The following IQSEC1 variants were observed in gnomAD, a reference collection of about 807,000 sequenced individuals.
The protein encoded by IQSEC1 is IQ motif and SEC7 domain-containing protein 1.
IQSEC1 carries 31 observed loss-of-function variants against 91.0 expected under a neutral mutation model. The ratio of observed to expected loss-of-function variants is 0.34; its 90% CI spans 0.26 to 0.46. IQSEC1 has a LOEUF of 0.46. Among genes scored for constraint, IQSEC1 ranks in the 20% least tolerant of loss-of-function variants. IQSEC1 has a pLI of 1.00. For missense variants in IQSEC1, 1,388 were observed against 1,575.6 expected (o/e 0.88, Z 2.02); for synonymous variants, 699 against 662.6 (o/e 1.05, Z -0.84).
rs1702119825 is a variant in IQSEC1 at position 12,994,127 on chromosome 3, C to T, written c.24-52262G>A. ...GCCGAGAGCGCGCCGTCCCCGCGGC[C>T]GGCGCGGCCCCAGAGCGTCCGGTGG... On this transcript the variant is annotated intron_variant, in intron 1 of 13. Coordinates refer to ENST00000613206, the MANE Select transcript of IQSEC1 (RefSeq NM_001134382.3). The surrounding 1 kb of genome is among the most constrained non-coding windows in gnomAD (Gnocchi z 4.5). 6.8e-6 allele frequency among the ~76,000 whole-genome samples: 1 copy of T among 146,140 alleles called. No individual in the cohort carries two copies. Among genetic ancestry groups the T allele is most frequent in the African/African-American group, 2.5e-5 (1 of 40,756 alleles).
rs932461388 is a variant in IQSEC1, at chr3:13,188,036, G to A, written c.273-23903C>T. On this transcript the variant is annotated intron_variant, in intron 1 of 15. Coordinates refer to the IQSEC1 transcript ENST00000648114. ...GGGGGACACAGACATTCAGACCACT[G>A]ACCTGCCTGGGCCTCCCATCTCCAG... Among the ~76,000 whole-genome samples, 8 of 152,162 alleles carry A rather than the reference G, an allele frequency of 5.3e-5. No individual in the cohort carries two copies. The South Asian group carries it at 1.7e-3, about 32-fold the overall frequency.
chr3:12,958,883 C>T (rs1438099646), intron 1 of IQSEC1, among the ~76,000 whole-genome samples: 1 of 152,196 alleles, frequency 6.6e-6, no homozygotes, highest in Non-Finnish European at 1.5e-5. Flanking sequence ...AAGCCCAGCA[C>T]TGTGGGGTGG....
chr3:13,123,441 G>A (rs1014216147), intron 2 of IQSEC1, among the ~76,000 whole-genome samples: 3 of 152,210 alleles, frequency 2.0e-5, no homozygotes, highest in African/African-American at 7.2e-5. Context: ...GGGGAGGCTG[G>A]CCTGGGCCAG....
chr3:12,950,985 C>CTG (rs1385214660), intron 1 of IQSEC1, among the ~76,000 whole-genome samples: 1 of 152,148 alleles, frequency 6.6e-6, no homozygotes, highest in Non-Finnish European at 1.5e-5. Flanking sequence ...TGTCTCTTGC[C>CTG]TGTAGTCCTG....
At chr3:13,251,230 A>G (rs1695189706) in intron 1 of IQSEC1, among the ~76,000 whole-genome samples, 1 of 152,066 alleles carries the variant, frequency 6.6e-6, no homozygotes, top group Admixed American at 6.5e-5. Flanking sequence ...ATTCCATCTA[A>G]CATGCCAACA....
chr3:13,043,840 C>T (rs1323430216), intron 1 of IQSEC1, among the ~76,000 whole-genome samples: 3 of 152,206 alleles, frequency 2.0e-5, no homozygotes, highest in Non-Finnish European at 4.4e-5. Context: ...AACCCGACAT[C>T]GTTTGCAAAG....
chr3:13,163,643 G>T (rs1241269190), intron 2 of IQSEC1, among the ~76,000 whole-genome samples: 1 of 152,176 alleles, frequency 6.6e-6, no homozygotes, highest in Admixed American at 6.5e-5. Context: ...GGATGGGCAG[G>T]GGCATTACGC....
intron 2 of IQSEC1, among the ~76,000 whole-genome samples, chr3:13,115,040 G>T (rs1473268000): frequency 6.6e-6 from 1 of 152,274 alleles, no homozygotes; most frequent in Non-Finnish European, 1.5e-5. Context: ...CCGGGCAGGG[G>T]GGCTGTGGGG....
rs1430935778 is a variant in IQSEC1 at position 13,259,848 on chromosome 3, C to A, written c.272+22863G>T. Among the ~76,000 whole-genome samples the A allele has an allele frequency of 1.3e-5, 2 of 152,268 alleles. No individual in the cohort carries two copies. The highest frequency in any genetic ancestry group is 1.3e-4 in the Admixed American group (2 of 15,290). ...TCAACGGGGCTTGCTTGTTGTGGCG[C>A]TCAGCGGGAGAAGTTTCTACCATAT... is the stretch of plus-strand genomic sequence containing the variant. On this transcript the variant is annotated intron_variant, in intron 1 of 15. Transcript: ENST00000648114. The surrounding 1 kb of genome is among the most constrained non-coding windows in gnomAD (Gnocchi z 4.6).
At chr3:12,901,652 G>A (rs11708734) in intron 13 of IQSEC1, 130 bp from the exon 14 acceptor site, 26,841 of 789,602 alleles carry the variant, frequency 0.034, 546 homozygotes, top group Non-Finnish European at 0.038. Flanking sequence ...CTGGCCAGAG[G>A]GTGGGGCTCA....
In IQSEC1 at chr3:13,102,405, G is replaced by A. The variant is rs142619345; in HGVS notation, c.303-54883C>T. On this transcript the variant is annotated intron_variant, in intron 2 of 15. Coordinates refer to the IQSEC1 transcript ENST00000648114. ...GGCCCAGCCCCATGTTGGGGCTGCCGGGGTTGGTGTTGGTGGGGGGCTGGA... is the reference window on the plus strand; with the variant it reads ...GGCCCAGCCCCATGTTGGGGCTGCCAGGGTTGGTGTTGGTGGGGGGCTGGA... 5.8e-3 allele frequency among the ~76,000 whole-genome samples: 882 copies of A among 152,284 alleles called. 11 individuals carry two copies. The highest frequency in any genetic ancestry group is 0.019 in the African/African-American group (777 of 41,566).
chr3:13,073,160 G>T lies in IQSEC1; in HGVS notation c.-146C>A. Reference sequence around the variant, plus strand: ...CGAGTCACATTCCCGGGGGTGGCGGGCTCCTCCAGGGAGGCTGGGGCGGGA... The same window carrying T: ...CGAGTCACATTCCCGGGGGTGGCGGTCTCCTCCAGGGAGGCTGGGGCGGGA... On this transcript the variant is annotated 5_prime_UTR_variant, in exon 1 of 14. Coordinates refer to ENST00000613206, the MANE Select transcript of IQSEC1 (RefSeq NM_001134382.3). The T allele has an allele frequency of 1.1e-6, 1 of 909,732 alleles. No individual in the cohort carries two copies. The highest frequency in any genetic ancestry group is 1.7e-6 in the Non-Finnish European group (1 of 591,714). The allele number at this position is 909,732 out of a possible 1,614,324, so 56.4% of individuals were successfully genotyped here. A position where few individuals can be genotyped will look rare whatever the true frequency, so the allele number is the denominator to read the frequency against.
At chr3:13,144,678 A>G (rs1300314704) in intron 2 of IQSEC1, among the ~76,000 whole-genome samples, 1 of 152,128 alleles carries the variant, frequency 6.6e-6, no homozygotes, top group Non-Finnish European at 1.5e-5. Context: ...CTCATCTCCC[A>G]CACTCCCTCC....
At chr3:13,110,143 A>G (rs1008008166) in intron 2 of IQSEC1, among the ~76,000 whole-genome samples, 5 of 151,726 alleles carry the variant, frequency 3.3e-5, no homozygotes, top group Admixed American at 3.3e-4. Context: ...TGGCCCCCCA[A>G]AGTGCTGGGA....
chr3:13,235,311 G>C (rs1291382985), intron 1 of IQSEC1, among the ~76,000 whole-genome samples: 1 of 152,156 alleles, frequency 6.6e-6, no homozygotes, highest in Non-Finnish European at 1.5e-5. Flanking sequence ...GGTCTGAGAG[G>C]TGTGGCCACA....
chr3:13,022,504 C>T (rs912321280), intron 1 of IQSEC1: 11 of 984,302 alleles, frequency 1.1e-5, no homozygotes, highest in East Asian at 1.1e-4. Flanking sequence ...GGGCGTCCGC[C>T]GGTGAGGAAA....
intron 1 of IQSEC1, among the ~76,000 whole-genome samples, chr3:13,272,544 G>A (rs183782192): frequency 3.9e-4 from 59 of 152,370 alleles, no homozygotes; most frequent in African/African-American, 1.2e-3. Flanking sequence ...CTCACAGTAG[G>A]TGCCAGGGAG....
chr3:13,174,833 T>TCCCCCCCCCCCCCCCCCCCCCCC (rs754194155), intron 1 of IQSEC1, among the ~76,000 whole-genome samples: 1 of 112,714 alleles, frequency 8.9e-6, no homozygotes, highest in Non-Finnish European at 1.9e-5. Flanking sequence ...GTCTTTCTGC[T>TCCCCCCCCCCCCCCCCCCCCCCC]CCCCCCCCCC....
intron 2 of IQSEC1, among the ~76,000 whole-genome samples, chr3:13,148,349 C>T (rs1327470993): frequency 6.6e-6 from 1 of 152,152 alleles, no homozygotes; most frequent in Non-Finnish European, 1.5e-5. Flanking sequence ...ACCCCTCTCC[C>T]CAAGCCCGGC....
Sources: allele counts gnomAD v4.1 joint callset (sites outside exome capture counted in the v4.1 genomes callset), GRCh38; gene constraint gnomAD v4.1.1; non-coding constraint Gnocchi (gnomAD v3.1); transcripts MANE v1.5; gene names NCBI Gene and HGNC (gene_info 2026-07-23, HGNC 2026-07-21).